PATJ: variants seen among roughly 807,000 people sequenced by gnomAD.
PATJ encodes the protein inaD-like protein.
In PATJ, 190 loss-of-function variants were observed where a neutral mutation model predicts 224.9. That is an observed-to-expected ratio of 0.84 (90% CI 0.75 to 0.95). PATJ has a LOEUF of 0.95. Ranked by LOEUF, PATJ falls within the 40% of genes least tolerant of loss-of-function variation. PATJ has a pLI of 0.00. For missense variants in PATJ, 2,121 were observed against 2,270.3 expected (o/e 0.93, Z 1.34); for synonymous variants, 769 against 820.3 (o/e 0.94, Z 1.07).
chr1:61,993,544 A>C (rs1049914690), intron 28 of PATJ, among the ~76,000 whole-genome samples: 28 of 152,124 alleles, frequency 1.8e-4, no homozygotes, highest in African/African-American at 6.8e-4. Flanking sequence ...CCATTCAAGA[A>C]CCCACCAAGA....
intron 21 of PATJ, among the ~76,000 whole-genome samples, chr1:61,881,179 C>G (rs1461988571): frequency 6.6e-6 from 1 of 152,152 alleles, no homozygotes; most frequent in African/African-American, 2.4e-5. Flanking sequence ...TCTCTATTTT[C>G]TAGAATTACA....
intron 35 of PATJ, 73 bp from the exon 36 acceptor site, chr1:62,116,459 T>A (rs575634843): frequency 6.1e-4 from 917 of 1,492,800 alleles, no homozygotes; most frequent in Non-Finnish European, 8.0e-4. Flanking sequence ...GTGTGCATCC[T>A]GTCACACACA....
In PATJ at chr1:62,086,630, G is replaced by A. The variant is rs1570525698; in HGVS notation, c.4377+1982G>A. Among the ~76,000 whole-genome samples, 1 of 152,208 alleles carries A rather than the reference G, an allele frequency of 6.6e-6. No homozygotes were observed. Among genetic ancestry groups the A allele is most frequent in the East Asian group, 1.9e-4 (1 of 5,180 alleles). ...TTTGTGGTAGTACTGTTGGGGGTGG[G>A]GAGATCCTAATCTACTTTTGTGTAA... On this transcript the variant is annotated intron_variant, in intron 33 of 43. Transcript: ENST00000642238. This position sits in a 1 kb window ranked among gnomAD's most constrained non-coding sequence, Gnocchi z 4.0.
At chr1:62,149,072 G>A (rs1464787936) in intron 42 of PATJ, among the ~76,000 whole-genome samples, 1 of 148,714 alleles carries the variant, frequency 6.7e-6, no homozygotes, top group African/African-American at 2.5e-5. Flanking sequence ...AAGTTGCAGT[G>A]AGCCAAGATT....
chr1:62,093,000 C>T (rs1558157573), intron 33 of PATJ, among the ~76,000 whole-genome samples: 1 of 152,168 alleles, frequency 6.6e-6, no homozygotes, highest in Non-Finnish European at 1.5e-5. Flanking sequence ...GCCTCAGCCT[C>T]CCAAAGTGCT....
chr1:62,138,675 G>A (rs576382209), intron 41 of PATJ, among the ~76,000 whole-genome samples: 24 of 152,236 alleles, frequency 1.6e-4, no homozygotes, highest in African/African-American at 4.8e-4. Flanking sequence ...TTGGAGGGCC[G>A]GGGCACCAGA....
In PATJ at chr1:62,051,958, T is replaced by G. The variant is rs190034357; in HGVS notation, c.4125+900T>G. ...CTGAGAGTTAGAGAAGTTAACTAAC[T>G]TGCCAAAGGCCCCCAGCCAGTATGT... On this transcript the variant is annotated intron_variant, in intron 31 of 43. Coordinates refer to ENST00000642238, the MANE Select transcript of PATJ (RefSeq NM_001350145.3). Among the ~76,000 whole-genome samples the G allele has an allele frequency of 6.5e-3, 993 of 152,324 alleles. 10 individuals carry two copies. The highest frequency in any genetic ancestry group is 0.023 in the African/African-American group (950 of 41,568).
At chr1:62,124,363 A>AT (rs1478936259) in intron 39 of PATJ, among the ~76,000 whole-genome samples, 2 of 152,158 alleles carry the variant, frequency 1.3e-5, no homozygotes. Flanking sequence ...GATTACAGGC[A>AT]TGAGCCACCA....
chr1:61,991,064 A>G (rs1645030731), intron 28 of PATJ, among the ~76,000 whole-genome samples: 1 of 152,144 alleles, frequency 6.6e-6, no homozygotes, highest in Non-Finnish European at 1.5e-5. Context: ...TTGAGTGTCT[A>G]TTAGGACCAG....
chr1:61,791,148 C>G (rs1570511659), intron 8 of PATJ, among the ~76,000 whole-genome samples, 200 bp from the exon 9 acceptor site: 2 of 152,090 alleles, frequency 1.3e-5, no homozygotes, highest in Non-Finnish European at 2.9e-5. Flanking sequence ...GAGATTAGGC[C>G]CACTTGGATA....
chr1:61,771,576 A>G lies in PATJ; in HGVS notation c.670A>G (p.Thr224Ala). ...RLIVAREPVH[T>A]KSSTSSSLND... ...GATTGTGGCCAGGGAACCAGTCCAC[A>G]CAAAAAGCAGTACTTCTAGCAGCCT... The change falls in exon 6 of 44, where the codon ACA (threonine) becomes GCA (alanine). Residue 224 changes from threonine to alanine, a missense_variant. By Grantham distance (58) the Thr-to-Ala change is moderately conservative (BLOSUM62 0). Transcript: ENST00000642238. 1.9e-6 allele frequency: 3 copies of G among 1,611,438 alleles called. No individual in the cohort carries two copies. In the African/African-American group the frequency reaches 4.0e-5, roughly 22 times the overall value.
intron 1 of PATJ, among the ~76,000 whole-genome samples, chr1:61,747,247 A>G (rs1388905239): frequency 6.6e-6 from 1 of 152,070 alleles, no homozygotes; most frequent in Non-Finnish European, 1.5e-5. Context: ...CCCTTATTTT[A>G]GGTTCCGGTG....
chr1:61,825,108 G>A (rs925943146), intron 15 of PATJ, among the ~76,000 whole-genome samples: 2 of 152,142 alleles, frequency 1.3e-5, no homozygotes, highest in African/African-American at 4.8e-5. Flanking sequence ...ATCAATAAAT[G>A]CCCACTTCAC....
Position 61,901,325 on chromosome 1 carries a change from A to G in PATJ, c.3247A>G (p.Ile1083Val). The G allele has an allele frequency of 6.4e-7, 1 of 1,574,112 alleles. No homozygotes were observed. The highest frequency in any genetic ancestry group is 1.2e-5 in the South Asian group (1 of 83,490). ...REPNVSLGIS[I>V]VGGQTVIKRL... ...ACCCAATGTGTCTCTTGGGATCAGT[A>G]TTGTTGGTGGACAAACTGTTATAAA... is the stretch of plus-strand genomic sequence containing the variant. The change falls in exon 24 of 44, where the codon ATT becomes GTT. Residue 1083 changes from isoleucine (I) to valine (V), a missense_variant. By Grantham distance (29) the Ile-to-Val change is conservative. Coordinates refer to ENST00000642238, the MANE Select transcript of PATJ (RefSeq NM_001350145.3).
At chr1:61,814,547 T>TGTGTGTGTGTGCGCGCGC (rs370488022) in intron 14 of PATJ, among the ~76,000 whole-genome samples, 37 of 142,564 alleles carry the variant, frequency 2.6e-4, no homozygotes, top group African/African-American at 9.4e-4. Context: ...TGTGTGTGTG[T>TGTGTGTGTGTGCGCGCGC]GCGCGCGCGC....
intron 27 of PATJ, among the ~76,000 whole-genome samples, chr1:61,978,241 C>CTCCCTCCTTCCT (rs1644256507): frequency 6.8e-6 from 1 of 146,452 alleles, no homozygotes; most frequent in Non-Finnish European, 1.5e-5. Flanking sequence ...CCCTCCCTCC[C>CTCCCTCCTTCCT]TCCCTCCTTC....
chr1:62,153,117 GCAAT>G (rs1264219538), intron 42 of PATJ, among the ~76,000 whole-genome samples: 1 of 152,098 alleles, frequency 6.6e-6, no homozygotes, highest in Non-Finnish European at 1.5e-5. Context: ...TCTTTAATTA[GCAAT>G]CAGTGAGTTT....
intron 19 of PATJ, among the ~76,000 whole-genome samples, chr1:61,861,887 G>T: frequency 6.6e-6 from 1 of 151,828 alleles, no homozygotes; most frequent in African/African-American, 2.4e-5. Flanking sequence ...TTTGAGATGG[G>T]ATCTCCCTCT....
At chr1:61,933,368 G>A (rs988764105) in intron 27 of PATJ, among the ~76,000 whole-genome samples, 3 of 151,658 alleles carry the variant, frequency 2.0e-5, no homozygotes, top group Admixed American at 6.6e-5. Context: ...GTGAAACCCC[G>A]TCTCTACTAA....
Sources: gnomAD v4.1 joint callset for allele counts (sites outside exome capture counted in the v4.1 genomes callset) on GRCh38, gnomAD v4.1.1 for gene constraint, Gnocchi (gnomAD v3.1) non-coding constraint, MANE v1.5 for transcripts, NCBI Gene and HGNC (gene_info 2026-07-23, HGNC 2026-07-21) for gene names.